The following PACS1 variants were observed in gnomAD, a reference collection of about 807,000 sequenced individuals.
PACS1 encodes the protein phosphofurin acidic cluster sorting protein 1.
Under a neutral mutation model 115.0 loss-of-function variants are expected in PACS1, and 24 were observed. The ratio of observed to expected loss-of-function variants is 0.21; its 90% confidence interval spans 0.15 to 0.29. The LOEUF is 0.29. PACS1 is among the 10% of genes least tolerant of loss of function. The probability of loss-of-function intolerance (pLI) is 1.00; values close to 1 mark genes in which losing one functional copy is unlikely to be tolerated. For missense variants in PACS1, 838 were observed against 1,251.2 expected, an observed-to-expected ratio of 0.67 and a Z score of 4.98; for synonymous variants, 453 against 504.5, an observed-to-expected ratio of 0.90 and a Z score of 1.37.
chr11:66,241,717 C>A, intron 22 of PACS1, 64 bp downstream of exon 22: 2 of 1,329,200 alleles, frequency 1.5e-6, no homozygotes, highest in Non-Finnish European at 2.1e-6. Context: ...TCTCTCAGGG[C>A]CTGGGAATAA....
chr11:66,224,455 T>G (rs966042901), intron 10 of PACS1, among the ~76,000 whole-genome samples: 3 of 152,182 alleles, frequency 2.0e-5, no homozygotes, highest in Non-Finnish European at 4.4e-5. Flanking sequence ...GACTGCTGCG[T>G]GGGGTGTGCC....
At chr11:66,213,425 C>T (rs1407693606) in intron 4 of PACS1, among the ~76,000 whole-genome samples, 1 of 152,220 alleles carries the variant, frequency 6.6e-6, no homozygotes, top group Non-Finnish European at 1.5e-5. Context: ...CCTGACCCAG[C>T]TCCCAGAATG....
chr11:66,172,050 C>T (rs1301181731), intron 1 of PACS1, among the ~76,000 whole-genome samples: 2 of 152,204 alleles, frequency 1.3e-5, no homozygotes, highest in African/African-American at 4.8e-5. Flanking sequence ...GTCAGTTCCT[C>T]CCACCACGCT....
At chr11:66,117,332 G>A (rs576997895) in intron 1 of PACS1, among the ~76,000 whole-genome samples, 1 of 151,634 alleles carries the variant, frequency 6.6e-6, no homozygotes, top group Admixed American at 6.6e-5. Flanking sequence ...ATGGTGGCGG[G>A]CACCTGTAAT....
intron 1 of PACS1, among the ~76,000 whole-genome samples, chr11:66,134,561 G>T (rs1295070957): frequency 2.1e-5 from 3 of 141,138 alleles, no homozygotes; most frequent in African/African-American, 8.3e-5. Flanking sequence ...GTTTGTTTTT[G>T]ATGTATTTTT....
chr11:66,076,351 A>C (rs138019738), intron 1 of PACS1, among the ~76,000 whole-genome samples: 1,524 of 151,300 alleles, frequency 0.01, 26 homozygotes, highest in African/African-American at 0.035. Flanking sequence ...AAAATGTTAG[A>C]GCTGCGTCTT....
At chr11:66,076,383 G>A (rs1857398030) in intron 1 of PACS1, among the ~76,000 whole-genome samples, 1 of 152,138 alleles carries the variant, frequency 6.6e-6, no homozygotes, top group East Asian at 1.9e-4. Flanking sequence ...AGTTCAGGAG[G>A]CTTGTCCAGT....
chr11:66,211,580 A>G (rs1398058632), intron 4 of PACS1, among the ~76,000 whole-genome samples: 7 of 152,210 alleles, frequency 4.6e-5, no homozygotes, highest in Admixed American at 6.5e-5. Context: ...ACATATCACC[A>G]CATTTCATAT....
At chr11:66,121,255 C>T (rs976579868) in intron 1 of PACS1, among the ~76,000 whole-genome samples, 7 of 152,104 alleles carry the variant, frequency 4.6e-5, no homozygotes, top group Non-Finnish European at 8.8e-5. Flanking sequence ...AGACGTTAGA[C>T]GTAATTGATA....
chr11:66,184,388 C>T (rs1290118733), intron 1 of PACS1, among the ~76,000 whole-genome samples: 1 of 149,018 alleles, frequency 6.7e-6, no homozygotes, highest in Admixed American at 6.7e-5. Context: ...GTGAGCCTCT[C>T]AAGTTTGCAT....
Position 66,230,530 on chromosome 11 carries a change from T to C in PACS1, c.1375-18T>C. 1.3e-6 allele frequency: 2 copies of C among 1,589,314 alleles called. No homozygotes were observed. The highest frequency in any genetic ancestry group is 1.1e-5 in the South Asian group (1 of 90,526). On this transcript the variant is annotated intron_variant, in intron 11 of 23. Transcript: ENST00000320580. ...TGAGTGGGAGGTCATCTTCACTGTT[T>C]CCTCTCCTCCATGGTAGGAAATCAC...
At chr11:66,175,920 A>G (rs1859849455) in intron 1 of PACS1, among the ~76,000 whole-genome samples, 1 of 152,146 alleles carries the variant, frequency 6.6e-6, no homozygotes, top group South Asian at 2.1e-4. Context: ...TTTTGATCTC[A>G]GTGACCACAT....
chr11:66,104,911 A>G (rs940259481), intron 1 of PACS1, among the ~76,000 whole-genome samples: 1 of 152,182 alleles, frequency 6.6e-6, no homozygotes, highest in Non-Finnish European at 1.5e-5. Context: ...AGTGCCAGAC[A>G]TTTAGTAGGC....
Position 66,239,247 on chromosome 11 carries a change from C to A in PACS1, c.2399C>A (p.Pro800Gln). 6.2e-7 allele frequency: 1 copy of A among 1,613,550 alleles called. No individual in the cohort carries two copies. Among genetic ancestry groups the A allele is most frequent in the Non-Finnish European group, 8.5e-7 (1 of 1,179,966 alleles). ...RDATATPPSS[P>Q]SMSSALAIVG... ...GCCACGGCCACCCCTCCCTCCTCCC[C>A]ATCTATGAGCAGCGCCCTGGCCATC... The change falls in exon 21 of 24, where the codon CCA becomes CAA. Residue 800 changes from proline (P) to glutamine (Q), a missense_variant. Pro to Gln is a moderately conservative substitution (Grantham distance 76). Transcript: ENST00000320580.
chr11:66,082,343 G>T (rs1293109557), intron 1 of PACS1, among the ~76,000 whole-genome samples: 5 of 152,046 alleles, frequency 3.3e-5, no homozygotes, highest in African/African-American at 1.2e-4. Flanking sequence ...TCTAACCTCA[G>T]TCTTCCAAGT....
intron 10 of PACS1, among the ~76,000 whole-genome samples, chr11:66,223,054 CAAAAAAAAAAAAA>C (rs71461612): frequency 2.7e-5 from 2 of 75,006 alleles, no homozygotes; most frequent in Admixed American, 1.6e-4. Flanking sequence ...CCTCGATTTA[CAAAAAAAAAAAAA>C]AAAAAAAAAA....
chr11:66,227,371 AG>A (rs1479358111), intron 10 of PACS1, 132 bp from the exon 11 acceptor site: 43 of 610,526 alleles, frequency 7.0e-5, no homozygotes, highest in African/African-American at 7.0e-4. Flanking sequence ...GGCCCACATA[AG>A]AAAAAAGCCC....
intron 1 of PACS1, among the ~76,000 whole-genome samples, chr11:66,158,570 G>A (rs112555539): frequency 2.4e-4 from 37 of 152,256 alleles, no homozygotes; most frequent in African/African-American, 8.7e-4. Context: ...GTATGGTGGG[G>A]CACACCCCTA....
chr11:66,110,950 C>T (rs573280982), intron 1 of PACS1, among the ~76,000 whole-genome samples: 3 of 152,306 alleles, frequency 2.0e-5, no homozygotes, highest in South Asian at 4.1e-4. Context: ...AAATTGATCT[C>T]GGAGTCACTT....
Sources: allele counts gnomAD v4.1 joint callset (sites outside exome capture counted in the v4.1 genomes callset), GRCh38; gene constraint gnomAD v4.1.1; transcripts MANE v1.5; gene names NCBI Gene and HGNC (gene_info 2026-07-23, HGNC 2026-07-21).